SLCO3A1: variants seen among roughly 807,000 people sequenced by gnomAD.
SLCO3A1 encodes the protein solute carrier organic anion transporter family member 3A1.
In SLCO3A1, 27 loss-of-function variants were observed where a neutral mutation model predicts 63.1. The observed-to-expected ratio is 0.43, with a 90% CI of 0.32 to 0.59. The LOEUF (loss-of-function observed/expected upper bound fraction) is 0.59, where lower values mean the gene tolerates loss of function less well. SLCO3A1 is among the 20% of genes least tolerant of loss of function. The pLI is 0.09. For synonymous variants in SLCO3A1, 473 were observed against 409.9 expected (o/e 1.15, Z -1.86); for missense variants, 773 against 945.8 (o/e 0.82, Z 2.40).
intron 2 of SLCO3A1, among the ~76,000 whole-genome samples, chr15:92,082,454 C>G (rs2047358786): frequency 6.6e-6 from 1 of 152,168 alleles, no homozygotes; most frequent in East Asian, 1.9e-4. Flanking sequence ...GCACTGCCCT[C>G]TAGTGGGGCA....
chr15:92,118,942 T>G (rs2047828302), intron 4 of SLCO3A1, among the ~76,000 whole-genome samples: 1 of 152,258 alleles, frequency 6.6e-6, no homozygotes, highest in South Asian at 2.1e-4. Context: ...ATTATGCACT[T>G]AAGACTTCTC....
intron 9 of SLCO3A1, among the ~76,000 whole-genome samples, chr15:92,160,561 A>AT (rs2048423337): frequency 6.6e-6 from 1 of 152,078 alleles, no homozygotes; most frequent in African/African-American, 2.4e-5. Flanking sequence ...GTTGTGTGGG[A>AT]TTTTGAGCTT....
intron 1 of SLCO3A1, among the ~76,000 whole-genome samples, chr15:91,889,751 G>A (rs549291449): frequency 7.2e-5 from 11 of 152,312 alleles, no homozygotes; most frequent in African/African-American, 2.2e-4. Flanking sequence ...GCTGAATTTT[G>A]CTCTTTTTCC....
chr15:92,136,012 A>T (rs1238012183), intron 7 of SLCO3A1, among the ~76,000 whole-genome samples: 2 of 152,186 alleles, frequency 1.3e-5, no homozygotes, highest in Non-Finnish European at 2.9e-5. Context: ...CTGAAAAGAT[A>T]AAAAATGAGG....
chr15:91,931,790 C>CACACACACAT (rs757130931), intron 2 of SLCO3A1, among the ~76,000 whole-genome samples: 7,763 of 150,156 alleles, frequency 0.052, 277 homozygotes, highest in Non-Finnish European at 0.081. Flanking sequence ...AGTGTGGAAA[C>CACACACACAT]ACACACACAC....
intron 2 of SLCO3A1, among the ~76,000 whole-genome samples, chr15:91,946,344 T>C (rs1417363685): frequency 6.6e-6 from 1 of 152,208 alleles, no homozygotes; most frequent in Non-Finnish European, 1.5e-5. Context: ...GGGCAGCCTG[T>C]GAATCTGATC....
intron 1 of SLCO3A1, among the ~76,000 whole-genome samples, chr15:91,915,099 A>G (rs930037134): frequency 4.6e-5 from 7 of 152,032 alleles, no homozygotes; most frequent in Non-Finnish European, 7.4e-5. Context: ...GTAAGAATGC[A>G]TCTCCTCATG....
chr15:92,170,575 C>T (rs1217942919), downstream of SLCO3A1, among the ~76,000 whole-genome samples: 1 of 152,166 alleles, frequency 6.6e-6, no homozygotes, highest in Non-Finnish European at 1.5e-5. Context: ...CACAAAGCCC[C>T]CGAAGTTAGA....
intron 3 of SLCO3A1, 61 bp from the exon 4 acceptor site, chr15:92,104,218 G>T: frequency 6.3e-7 from 1 of 1,578,498 alleles, no homozygotes; most frequent in Non-Finnish European, 8.6e-7. Flanking sequence ...CAGATTCTCA[G>T]CAAAATCCCC....
At chr15:91,921,723 C>CT (rs10708454) in intron 2 of SLCO3A1, among the ~76,000 whole-genome samples, 9,812 of 144,918 alleles carry the variant, frequency 0.068, 429 homozygotes, top group Non-Finnish European at 0.1. Context: ...TCAGATTTCT[C>CT]TTTTTTTTTT....
In SLCO3A1 at chr15:92,163,042, G is replaced by C; in HGVS notation, c.2040G>C (p.Arg680Ser). 6.3e-7 allele frequency: 1 copy of C among 1,592,500 alleles called. No individual in the cohort carries two copies. Among genetic ancestry groups the C allele is most frequent in the Non-Finnish European group, 8.6e-7 (1 of 1,169,138 alleles). ...ASTLTLDNLG[R>S]DPVPANQTHR... ...CTCTGACCCTAGACAACCTGGGGAG[G>C]GACCCTGTGCCCGCAAACCAGACAC... Residue 680 changes from arginine (R) to serine (S), a missense_variant, in exon 10 of 10, where the codon AGG (arginine) becomes AGC (serine). By Grantham distance (110) the Arg-to-Ser change is moderately radical. This residue lies in a region of SLCO3A1 where 139 missense variants were observed against 131.4 expected (regional missense o/e 1.06). Coordinates refer to ENST00000318445, the MANE Select transcript of SLCO3A1 (RefSeq NM_013272.4).
At chr15:92,038,526 CT>C (rs1378381080) in intron 2 of SLCO3A1, among the ~76,000 whole-genome samples, 1 of 151,990 alleles carries the variant, frequency 6.6e-6, no homozygotes, top group Non-Finnish European at 1.5e-5. Flanking sequence ...AATAAAATAC[CT>C]AGGGATACAG....
Position 92,047,041 on chromosome 15 carries a change from AAT to A in SLCO3A1, c.647-47830_647-47829del, listed in dbSNP as rs1162019011. On this transcript the variant is annotated intron_variant, in intron 2 of 9. Coordinates refer to ENST00000318445, the MANE Select transcript of SLCO3A1 (RefSeq NM_013272.4). ...TATAATATATAAATATATATATATAAATATATATATAATATATAAATATATAT... is the reference window on the plus strand; with the variant it reads ...TATAATATATAAATATATATATATAAATATATATAATATATAAATATATAT... Among the ~76,000 whole-genome samples the A allele has an allele frequency of 2.5e-3, 94 of 37,830 alleles. 23 individuals are homozygous for A. The highest frequency in any genetic ancestry group is 8.3e-3 in the African/African-American group (88 of 10,582). The allele number at this position is 37,830 out of a possible 152,430, so 24.8% of individuals were successfully genotyped here. A position where few individuals can be genotyped will look rare whatever the true frequency, so the allele number is the denominator to read the frequency against.
At chr15:91,940,569 T>C (rs1235404402) in intron 2 of SLCO3A1, among the ~76,000 whole-genome samples, 1 of 152,160 alleles carries the variant, frequency 6.6e-6, no homozygotes, top group Non-Finnish European at 1.5e-5. Flanking sequence ...TTTTTGTGGT[T>C]CAGGAAATTT....
rs1019854747 is a variant in SLCO3A1, at chr15:91,875,427, G to A, written c.180+21339G>A. 6.6e-6 allele frequency among the ~76,000 whole-genome samples: 1 copy of A among 152,172 alleles called. No homozygotes were observed. Among genetic ancestry groups the A allele is most frequent in the Non-Finnish European group, 1.5e-5 (1 of 68,046 alleles). ...CTCCACAGGGTAAAAACTGGACTCT[G>A]GAGCAAGAGACTGCCTGGATTCCAA... On this transcript the variant is annotated intron_variant, in intron 1 of 9. Transcript: ENST00000318445. The surrounding 1 kb of genome is among the most constrained non-coding windows in gnomAD (Gnocchi z 4.5).
chr15:92,039,715 G>T lies in SLCO3A1; in HGVS notation c.647-55166G>T, dbSNP rs552190680. Among the ~76,000 whole-genome samples, 6 of 152,250 alleles carry T rather than the reference G, an allele frequency of 3.9e-5. No individual in the cohort carries two copies. In the South Asian group the frequency reaches 6.2e-4, roughly 16 times the overall value. On this transcript the variant is annotated intron_variant, in intron 2 of 9. Coordinates refer to ENST00000318445, the MANE Select transcript of SLCO3A1 (RefSeq NM_013272.4). ...CATGACCCAGCAATCCCATTACTGG[G>T]TATAAACCCAAAGGAATGTAAATCA...
chr15:92,055,095 A>C (rs2047005910), intron 2 of SLCO3A1, among the ~76,000 whole-genome samples: 2 of 152,206 alleles, frequency 1.3e-5, no homozygotes. Flanking sequence ...CTATTCCTGC[A>C]CAGCCTTGCC....
chr15:91,960,106 C>T (rs960803920), intron 2 of SLCO3A1, among the ~76,000 whole-genome samples: 1 of 152,126 alleles, frequency 6.6e-6, no homozygotes, highest in Non-Finnish European at 1.5e-5. Context: ...GCCTTAGCCT[C>T]CCGAGTAGCT....
intron 2 of SLCO3A1, among the ~76,000 whole-genome samples, chr15:92,018,735 G>A (rs1315776593): frequency 7.9e-5 from 12 of 152,174 alleles, no homozygotes; most frequent in Admixed American, 5.9e-4. Flanking sequence ...GGTGAGCATG[G>A]CATCAGAGGG....
Sources: allele counts gnomAD v4.1 joint callset (sites outside exome capture counted in the v4.1 genomes callset), GRCh38; gene constraint gnomAD v4.1.1; regional missense constraint gnomAD v4.1.1; non-coding constraint Gnocchi (gnomAD v3.1); transcripts MANE v1.5; gene names NCBI Gene and HGNC (gene_info 2026-07-23, HGNC 2026-07-21).